Variants in TUSC3 observed in about 807,000 individuals in gnomAD.
The protein encoded by TUSC3 is dolichyl-diphosphooligosaccharide--protein glycosyltransferase subunit TUSC3.
In TUSC3, 45 loss-of-function variants were observed where a neutral mutation model predicts 44.8. The observed-to-expected ratio is 1.00, with a 90% CI of 0.79 to 1.29. The LOEUF is 1.29. TUSC3 is among the 50% of genes most tolerant of loss of function. The probability of loss-of-function intolerance (pLI) is 0.00; values close to 1 mark genes in which losing one functional copy is unlikely to be tolerated. For synonymous variants in TUSC3, 212 were observed against 152.9 expected, an observed-to-expected ratio of 1.39 and a Z score of -2.85; for missense variants, 519 against 437.9, an observed-to-expected ratio of 1.19 and a Z score of -1.65.
At chr8:15,685,718 A>T (rs1808600650) in intron 6 of TUSC3, among the ~76,000 whole-genome samples, 1 of 152,164 alleles carries the variant, frequency 6.6e-6, no homozygotes, top group African/African-American at 2.4e-5. Flanking sequence ...AACAGAATCA[A>T]TATATAACAG....
the TUSC3 span, among the ~76,000 whole-genome samples, chr8:15,811,404 C>T: frequency 1.3e-5 from 2 of 152,180 alleles, no homozygotes; most frequent in African/African-American, 4.8e-5. Context: ...AAGAGAAAGA[C>T]CCAGACAGTT....
chr8:15,687,414 A>G (rs1349824449), intron 6 of TUSC3, among the ~76,000 whole-genome samples: 1 of 152,184 alleles, frequency 6.6e-6, no homozygotes, highest in African/African-American at 2.4e-5. Flanking sequence ...TGGCTGTGAC[A>G]CTGCATCTGA....
chr8:15,464,358 C>T (rs1800387995), intron 1 of TUSC3, among the ~76,000 whole-genome samples: 1 of 152,146 alleles, frequency 6.6e-6, no homozygotes, highest in Non-Finnish European at 1.5e-5. Context: ...ATATAAATAG[C>T]TGTGCATGAC....
chr8:15,453,279 G>T (rs552751891), intron 1 of TUSC3, among the ~76,000 whole-genome samples: 21 of 152,120 alleles, frequency 1.4e-4, no homozygotes, highest in African/African-American at 5.1e-4. Context: ...AACCATGTCT[G>T]CAAACCATGA....
At chr8:15,623,482 C>T in intron 2 of TUSC3, among the ~76,000 whole-genome samples, 1 of 152,094 alleles carries the variant, frequency 6.6e-6, no homozygotes, top group East Asian at 1.9e-4. Context: ...AATCATAAAA[C>T]CGTTTTATCA....
chr8:15,849,025 T>C, the TUSC3 span, among the ~76,000 whole-genome samples: 2 of 152,296 alleles, frequency 1.3e-5, no homozygotes, highest in South Asian at 2.1e-4. Context: ...CAGAATACTT[T>C]TAATAAAGTA....
intron 1 of TUSC3, among the ~76,000 whole-genome samples, chr8:15,433,433 T>C (rs1471458681): frequency 1.3e-5 from 2 of 152,176 alleles, no homozygotes; most frequent in Non-Finnish European, 2.9e-5. Context: ...AGTTTGAGTT[T>C]TGACAAATGT....
the TUSC3 span, among the ~76,000 whole-genome samples, chr8:15,795,008 T>A: frequency 6.6e-6 from 1 of 152,248 alleles, no homozygotes; most frequent in Admixed American, 6.5e-5. Flanking sequence ...TTTCCATGAG[T>A]ATGCCACTCT....
chr8:15,764,144 CAT>C (rs531278513), intron 10 of TUSC3, 57 bp from the exon 11 acceptor site: 224 of 1,435,068 alleles, frequency 1.6e-4, no homozygotes, highest in Non-Finnish European at 2.0e-4. Flanking sequence ...GAATAACAAA[CAT>C]ATTGTATTTT....
intron 1 of TUSC3, among the ~76,000 whole-genome samples, chr8:15,569,161 T>A (rs1259859216): frequency 6.6e-6 from 1 of 152,182 alleles, no homozygotes; most frequent in African/African-American, 2.4e-5. Context: ...TATAGTCTTA[T>A]AATTGTTGAA....
intron 1 of TUSC3, among the ~76,000 whole-genome samples, chr8:15,422,373 T>C (rs1281331200): frequency 1.3e-5 from 2 of 152,166 alleles, no homozygotes; most frequent in Non-Finnish European, 2.9e-5. Context: ...TTATAACACG[T>C]CTTCTTACCT....
chr8:15,504,603 ATATATATATATATATATATTTTTT>A (rs1440593062), intron 2 of TUSC3, among the ~76,000 whole-genome samples: 25 of 38,498 alleles, frequency 6.5e-4, no homozygotes, highest in African/African-American at 2.9e-3. Flanking sequence ...ATATATATAT[ATATATATATATATATATATTTTTT>A]TTTTTTTTTT....
At chr8:15,546,225 G>C (rs1201207790) in intron 1 of TUSC3, among the ~76,000 whole-genome samples, 2 of 151,832 alleles carry the variant, frequency 1.3e-5, no homozygotes, top group Non-Finnish European at 2.9e-5. Flanking sequence ...ATGTCTGAAA[G>C]GGAACTCTTG....
chr8:15,419,611 G>C (rs1410832385), intron 1 of TUSC3, among the ~76,000 whole-genome samples: 1 of 152,102 alleles, frequency 6.6e-6, no homozygotes, highest in Admixed American at 6.5e-5. Context: ...TAAGCAAGCA[G>C]TGAATTCAAT....
chr8:15,537,539 A>G (rs1801541678), upstream of TUSC3, among the ~76,000 whole-genome samples: 2 of 152,216 alleles, frequency 1.3e-5, no homozygotes, highest in African/African-American at 2.4e-5. Context: ...GACTCTTGTC[A>G]TCAACCTAAG....
chr8:15,528,149 A>G lies in TUSC3; in HGVS notation n.189+44666A>G, dbSNP rs61169115. 4.3e-3 allele frequency among the ~76,000 whole-genome samples: 660 copies of G among 152,262 alleles called. 4 individuals are homozygous for G. In the East Asian group the frequency reaches 0.053, roughly 12 times the overall value. On this transcript the variant is annotated intron_variant and non_coding_transcript_variant, in intron 2 of 5. Transcript: ENST00000503191. Reference sequence around the variant, plus strand: ...ATTAATTATAATTTCAATTAAGCACAATTTTGGTACTATAAAAAATACTCA... The same window carrying G: ...ATTAATTATAATTTCAATTAAGCACGATTTTGGTACTATAAAAAATACTCA...
At position 15,428,548 on chromosome 8, in the gene TUSC3, G is replaced by A. The variant is rs200670417; in HGVS notation, n.91+11243G>A. Among the ~76,000 whole-genome samples, 72 of 152,012 alleles carry A rather than the reference G, an allele frequency of 4.7e-4. No homozygotes were observed. In the South Asian group the frequency reaches 0.013, roughly 28 times the overall value. ...TAGATCCCTGAGGAATCGCCACACC[G>A]ACTTCCACAATGGCTGAACTAGTTT... On this transcript the variant is annotated intron_variant and non_coding_transcript_variant, in intron 1 of 5. Coordinates refer to the TUSC3 transcript ENST00000503191.
At chr8:15,669,493 C>T (rs1360138615) in intron 5 of TUSC3, among the ~76,000 whole-genome samples, 1 of 151,376 alleles carries the variant, frequency 6.6e-6, no homozygotes, top group Non-Finnish European at 1.5e-5. Flanking sequence ...TTATTCTAAA[C>T]AAAAAAATTA....
rs1363614021 is a variant in TUSC3 at position 15,523,650 on chromosome 8, ATATATATATATATATGTG to A, written n.189+40169_189+40186del. On this transcript the variant is annotated intron_variant and non_coding_transcript_variant, in intron 2 of 5. Coordinates refer to the TUSC3 transcript ENST00000503191. ...AAATCCTTTAAAAACATATATATAT[ATATATATATATATATGTG>A]TGTGTGTGTGTGTGTGTGTGTGTGT... Among the ~76,000 whole-genome samples the A allele has an allele frequency of 2.7e-3, 119 of 44,082 alleles. 1 individual carries two copies. Among genetic ancestry groups the A allele is most frequent in the African/African-American group, 4.9e-3 (49 of 9,976 alleles). 28.9% of individuals were successfully genotyped at this position (44,082 alleles called of 152,430 possible). A position where few individuals can be genotyped will look rare whatever the true frequency, so the allele number is the denominator to read the frequency against.
Sources: allele counts gnomAD v4.1 joint callset (sites outside exome capture counted in the v4.1 genomes callset), GRCh38; gene constraint gnomAD v4.1.1; transcripts MANE v1.5; gene names NCBI Gene and HGNC (gene_info 2026-07-23, HGNC 2026-07-21).